Variants in HMCN1 observed in about 807,000 individuals in gnomAD.
HMCN1 encodes the protein hemicentin 1, also known as hemicentin-1.
A neutral mutation model predicts 625.9 loss-of-function variants in HMCN1; 321 were observed. That is an observed-to-expected ratio of 0.51 (90% CI 0.47 to 0.56). The LOEUF (loss-of-function observed/expected upper bound fraction) is 0.56, where lower values mean the gene tolerates loss of function less well. Ranked by LOEUF, HMCN1 falls within the 20% of genes least tolerant of loss-of-function variation. The pLI, the probability that HMCN1 is intolerant of heterozygous loss-of-function variation, is 0.00. For missense variants in HMCN1, 6,588 were observed against 6,887.3 expected (o/e 0.96, Z 1.54); for synonymous variants, 2,425 against 2,417.6 (o/e 1.00, Z -0.09).
chr1:186,065,772 C>T (rs921215773), intron 49 of HMCN1, among the ~76,000 whole-genome samples: 1 of 151,978 alleles, frequency 6.6e-6, no homozygotes, highest in Non-Finnish European at 1.5e-5. Flanking sequence ...TTTTGTGAGA[C>T]TTAGCCATTA....
intron 97 of HMCN1, among the ~76,000 whole-genome samples, chr1:186,164,318 C>T (rs889074429): frequency 6.7e-6 from 1 of 149,492 alleles, no homozygotes; most frequent in African/African-American, 2.5e-5. Flanking sequence ...CGGCTCACTA[C>T]AAGCTCCGCC....
At position 186,116,991 on chromosome 1, in the gene HMCN1, T is replaced by C. The variant is rs758304087; in HGVS notation, c.11562-3T>C. The C allele has an allele frequency of 4.3e-5, 69 of 1,612,700 alleles. No individual in the cohort carries two copies. The highest frequency in any genetic ancestry group is 5.9e-5 in the Non-Finnish European group (69 of 1,179,066). On this transcript the variant is annotated splice_polypyrimidine_tract_variant and splice_region_variant and intron_variant, in intron 75 of 106. Transcript: ENST00000271588. ...ATCTCATGCTTTGAAATGTGTCTTCTAGGCTCCTTTCTTCAGGTTCACTAG... is the reference window on the plus strand; with the variant it reads ...ATCTCATGCTTTGAAATGTGTCTTCCAGGCTCCTTTCTTCAGGTTCACTAG...
chr1:186,180,169 C>T (rs1396585477), intron 104 of HMCN1, among the ~76,000 whole-genome samples: 1 of 152,178 alleles, frequency 6.6e-6, no homozygotes, highest in Admixed American at 6.6e-5. Flanking sequence ...TATTAAACAA[C>T]ACTGTCAATC....
At chr1:186,118,668 C>T (rs543214050) in intron 77 of HMCN1, among the ~76,000 whole-genome samples, 30 of 152,192 alleles carry the variant, frequency 2.0e-4, no homozygotes, top group African/African-American at 7.2e-4. Context: ...TTCTGTTTGG[C>T]AATAAAAAGG....
At chr1:186,018,384 CTTAAA>C (rs762218532) in intron 34 of HMCN1, 32 bp downstream of exon 34, 4 of 1,586,520 alleles carry the variant, frequency 2.5e-6, no homozygotes, top group Non-Finnish European at 3.5e-6. Context: ...AACTTTGCAT[CTTAAA>C]TTAATTTATG....
chr1:185,838,911 A>G (rs998785631), intron 1 of HMCN1, among the ~76,000 whole-genome samples: 1 of 152,216 alleles, frequency 6.6e-6, no homozygotes, highest in South Asian at 2.1e-4. Context: ...GGGAATACAC[A>G]TATTATATAC....
intron 57 of HMCN1, among the ~76,000 whole-genome samples, chr1:186,085,662 G>A (rs1361068631): frequency 6.6e-6 from 1 of 152,040 alleles, no homozygotes; most frequent in African/African-American, 2.4e-5. Flanking sequence ...AAAAGAGAAA[G>A]CATATTCTAG....
At chr1:185,788,214 C>T (rs936805724) in intron 1 of HMCN1, among the ~76,000 whole-genome samples, 18 of 152,110 alleles carry the variant, frequency 1.2e-4, no homozygotes, top group Admixed American at 3.9e-4. Context: ...CCAGTGCAAC[C>T]GACACAAAGA....
chr1:185,887,488 T>C (rs1183872295), intron 4 of HMCN1, among the ~76,000 whole-genome samples: 1 of 143,770 alleles, frequency 7.0e-6, no homozygotes, highest in Admixed American at 7.1e-5. Flanking sequence ...CCCCAGAGTG[T>C]GATTTTCCCC....
chr1:186,033,336 G>A (rs1023125029), intron 36 of HMCN1, among the ~76,000 whole-genome samples: 5 of 152,078 alleles, frequency 3.3e-5, no homozygotes, highest in African/African-American at 9.7e-5. Context: ...TACATATTGG[G>A]TACAGCATAT....
intron 1 of HMCN1, among the ~76,000 whole-genome samples, chr1:185,766,987 A>G (rs1273907182): frequency 1.3e-5 from 2 of 151,766 alleles, no homozygotes; most frequent in Non-Finnish European, 2.9e-5. Context: ...GATTTGAGGA[A>G]AAAATAGAAT....
At chr1:185,954,630 C>G (rs888535476) in intron 11 of HMCN1, among the ~76,000 whole-genome samples, 2 of 151,826 alleles carry the variant, frequency 1.3e-5, no homozygotes, top group Non-Finnish European at 2.9e-5. Context: ...AATGTATGAC[C>G]CCACTTAAAA....
At chr1:185,913,088 CA>C (rs1666518270) in intron 6 of HMCN1, among the ~76,000 whole-genome samples, 1 of 152,086 alleles carries the variant, frequency 6.6e-6, no homozygotes, top group Non-Finnish European at 1.5e-5. Flanking sequence ...TAACTCCATT[CA>C]AATCCTAAGA....
At chr1:185,771,184 A>G (rs1395239434) in intron 1 of HMCN1, among the ~76,000 whole-genome samples, 1 of 152,210 alleles carries the variant, frequency 6.6e-6, no homozygotes, top group African/African-American at 2.4e-5. Flanking sequence ...CCTTGAAACT[A>G]GAGCATTCCA....
chr1:185,742,978 T>G (rs1156256251), intron 1 of HMCN1, among the ~76,000 whole-genome samples: 4 of 152,182 alleles, frequency 2.6e-5, no homozygotes, highest in Non-Finnish European at 5.9e-5. Context: ...GAAATGATGT[T>G]TTTCCCCCCT....
rs777250109 is a variant in HMCN1 at position 186,037,916 on chromosome 1, TG to T, written c.5750-17del. On this transcript the variant is annotated splice_polypyrimidine_tract_variant and intron_variant, in intron 36 of 106. Coordinates refer to ENST00000271588, the MANE Select transcript of HMCN1 (RefSeq NM_031935.3). ...ATTCTACTTATAAGAAATAATTATC[TG>T]TTTGGGCCTCTTGTAGAACCACCTA... is the stretch of plus-strand genomic sequence containing the variant. The T allele has an allele frequency of 7.4e-7, 1 of 1,360,164 alleles. No homozygotes were observed. The highest frequency in any genetic ancestry group is 1.2e-5 in the South Asian group (1 of 86,028). 84.3% of individuals were successfully genotyped at this position (1,360,164 alleles called of 1,614,324 possible).
intron 1 of HMCN1, among the ~76,000 whole-genome samples, chr1:185,751,505 C>A (rs1360662023): frequency 6.6e-6 from 1 of 151,970 alleles, no homozygotes; most frequent in Non-Finnish European, 1.5e-5. Context: ...GTCTTTCCTG[C>A]CTGGAACCTG....
chr1:185,782,321 T>G (rs1657187509), intron 1 of HMCN1, among the ~76,000 whole-genome samples: 1 of 152,368 alleles, frequency 6.6e-6, no homozygotes, highest in Admixed American at 6.5e-5. Flanking sequence ...CTGTGTCTTT[T>G]AAATGGAGCA....
chr1:186,000,616 T>C (rs1361139428), intron 26 of HMCN1, among the ~76,000 whole-genome samples: 3 of 151,214 alleles, frequency 2.0e-5, no homozygotes, highest in South Asian at 4.2e-4. Context: ...CCCGGAGATA[T>C]TTTATGAATA....
Sources: allele counts gnomAD v4.1 joint callset (sites outside exome capture counted in the v4.1 genomes callset), GRCh38; gene constraint gnomAD v4.1.1; transcripts MANE v1.5; gene names NCBI Gene and HGNC (gene_info 2026-07-23, HGNC 2026-07-21).